The following PHLPP1 variants were observed in gnomAD, a reference collection of about 807,000 sequenced individuals.
PHLPP1 encodes PH domain and leucine rich repeat protein phosphatase 1, also known as PH domain leucine-rich repeat-containing protein phosphatase 1.
In PHLPP1, 42 loss-of-function variants were observed where a neutral mutation model predicts 117.2. That is an observed-to-expected ratio of 0.36 (90% CI 0.28 to 0.46). The LOEUF (loss-of-function observed/expected upper bound fraction) is 0.46. Ranked by LOEUF, PHLPP1 falls within the 20% of genes least tolerant of loss-of-function variation. PHLPP1 has a pLI of 1.00. For missense variants in PHLPP1, 2,084 were observed against 2,241.9 expected (o/e 0.93, Z 1.42); for synonymous variants, 1,042 against 970.7 (o/e 1.07, Z -1.37).
chr18:62,834,194 C>T (rs1914828923), intron 2 of PHLPP1, among the ~76,000 whole-genome samples: 2 of 151,988 alleles, frequency 1.3e-5, no homozygotes, highest in African/African-American at 4.8e-5. Flanking sequence ...GTTGTTTTGG[C>T]AAGGGAAGAG....
At chr18:62,855,026 C>T (rs1365343091) in intron 3 of PHLPP1, among the ~76,000 whole-genome samples, 1 of 152,082 alleles carries the variant, frequency 6.6e-6, no homozygotes, top group African/African-American at 2.4e-5. Context: ...ACTAAATGGC[C>T]TTGGGCGCAC....
At chr18:62,974,061 T>C (rs1292757931) in intron 15 of PHLPP1, among the ~76,000 whole-genome samples, 1 of 152,084 alleles carries the variant, frequency 6.6e-6, no homozygotes, top group Non-Finnish European at 1.5e-5. Context: ...CACAAACACA[T>C]CCCTTCACAA....
chr18:62,940,349 C>CTTTT (rs1568168241), intron 10 of PHLPP1, among the ~76,000 whole-genome samples: 3 of 72,066 alleles, frequency 4.2e-5, no homozygotes, highest in Admixed American at 1.4e-4. Context: ...CTTTTTCTTT[C>CTTTT]TTTTCTTTTT....
At chr18:62,922,548 G>T (rs1909507137) in intron 10 of PHLPP1, among the ~76,000 whole-genome samples, 1 of 152,180 alleles carries the variant, frequency 6.6e-6, no homozygotes, top group Non-Finnish European at 1.5e-5. Context: ...CTCCTATGGA[G>T]AATTATAAGT....
At chr18:62,869,172 C>G (rs1237946810) in intron 4 of PHLPP1, among the ~76,000 whole-genome samples, 3 of 152,030 alleles carry the variant, frequency 2.0e-5, no homozygotes, top group Admixed American at 1.3e-4. Flanking sequence ...AATTACCTCC[C>G]TGGGTCAAAT....
chr18:62,978,402 G>T lies in PHLPP1; in HGVS notation c.4125G>T (p.Gly1375=). ...AGTTCTTCATCCTAGGCAGTAAGGG[G>T]TTGTGGGACAGCCTGTCCGTCGAGG... ...QDEFFILGSK[G]LWDSLSVEEA... is the part of the protein sequence containing the mutation. The change falls in exon 17 of 17, where the codon GGG becomes GGT. Residue 1375 remains glycine, a synonymous_variant. Transcript: ENST00000262719. This position sits in a 1 kb window ranked among gnomAD's most constrained non-coding sequence, Gnocchi z 7.0. 2 of 1,612,562 alleles carry T rather than the reference G, an allele frequency of 1.2e-6. No individual in the cohort carries two copies. The highest frequency in any genetic ancestry group is 2.2e-5 in the East Asian group (1 of 44,832).
At chr18:62,964,712 CAG>C (rs1910856975) in intron 14 of PHLPP1, among the ~76,000 whole-genome samples, 1 of 152,186 alleles carries the variant, frequency 6.6e-6, no homozygotes, top group African/African-American at 2.4e-5. Flanking sequence ...TTAGAGCACT[CAG>C]AGTTTCTTTC....
At chr18:62,918,256 G>A (rs1204265189) in intron 9 of PHLPP1, among the ~76,000 whole-genome samples, 5 of 149,974 alleles carry the variant, frequency 3.3e-5, no homozygotes, top group Middle Eastern at 3.2e-3. Context: ...TATTAGAGGC[G>A]GAAATGTATT....
chr18:62,966,237 C>T (rs1292032402), intron 14 of PHLPP1, among the ~76,000 whole-genome samples: 3 of 151,978 alleles, frequency 2.0e-5, no homozygotes, highest in Non-Finnish European at 4.4e-5. Context: ...ATGATAAACC[C>T]TATTTAAGTG....
chr18:62,969,735 ATAT>A (rs1910999501), intron 14 of PHLPP1, among the ~76,000 whole-genome samples: 1 of 152,194 alleles, frequency 6.6e-6, no homozygotes, highest in Non-Finnish European at 1.5e-5. Context: ...TATTCCTATA[ATAT>A]TCTTTGTTCT....
At chr18:62,717,374 C>T in intron 1 of PHLPP1, 115 bp downstream of exon 1, 1 of 1,372,446 alleles carries the variant, frequency 7.3e-7, no homozygotes, top group African/African-American at 1.5e-5. Flanking sequence ...CCTGATGAGT[C>T]TTTGTCTTAA....
chr18:62,896,083 A>G (rs1916556116), intron 6 of PHLPP1, 72 bp downstream of exon 6: 1 of 842,290 alleles, frequency 1.2e-6, no homozygotes, highest in East Asian at 2.6e-5. Flanking sequence ...GTAGGTTATT[A>G]ACCAAGGCAA....
intron 5 of PHLPP1, among the ~76,000 whole-genome samples, chr18:62,895,567 CT>C (rs1423123227): frequency 3.3e-5 from 5 of 152,182 alleles, no homozygotes; most frequent in Non-Finnish European, 7.3e-5. Context: ...ATTGGGAAAA[CT>C]AGTCATGATT....
intron 14 of PHLPP1, among the ~76,000 whole-genome samples, chr18:62,966,545 G>C (rs368980977): frequency 7.0e-6 from 1 of 143,144 alleles, no homozygotes; most frequent in Admixed American, 7.4e-5. Flanking sequence ...GTCTGGGCTC[G>C]CTGCAAGCTC....
At chr18:62,890,558 G>T (rs975866962) in intron 4 of PHLPP1, among the ~76,000 whole-genome samples, 1 of 152,096 alleles carries the variant, frequency 6.6e-6, no homozygotes, top group African/African-American at 2.4e-5. Flanking sequence ...GAGCCACTCC[G>T]CCAAGCCTTC....
chr18:62,901,342 T>C (rs1916720361), intron 6 of PHLPP1, among the ~76,000 whole-genome samples: 1 of 152,100 alleles, frequency 6.6e-6, no homozygotes, highest in South Asian at 2.1e-4. Flanking sequence ...AATAAGCAGA[T>C]TGCTGGGTCA....
intron 14 of PHLPP1, among the ~76,000 whole-genome samples, chr18:62,967,979 A>G (rs1050673132): frequency 6.6e-6 from 1 of 151,954 alleles, no homozygotes; most frequent in African/African-American, 2.4e-5. Flanking sequence ...ATGCGCCACC[A>G]TATCTGGCTT....
intron 15 of PHLPP1, among the ~76,000 whole-genome samples, chr18:62,974,023 C>G (rs1911123205): frequency 6.6e-6 from 1 of 152,188 alleles, no homozygotes; most frequent in Non-Finnish European, 1.5e-5. Flanking sequence ...CATATGCACA[C>G]ACATACACAT....
chr18:62,842,298 T>C (rs915157601), intron 3 of PHLPP1, among the ~76,000 whole-genome samples: 8 of 152,284 alleles, frequency 5.3e-5, no homozygotes, highest in Non-Finnish European at 7.4e-5. Context: ...ATGGCAGACA[T>C]TGGGGAAATG....
Sources: gnomAD v4.1 joint callset for allele counts (sites outside exome capture counted in the v4.1 genomes callset) on GRCh38, gnomAD v4.1.1 for gene constraint, Gnocchi (gnomAD v3.1) non-coding constraint, MANE v1.5 for transcripts, NCBI Gene and HGNC (gene_info 2026-07-23, HGNC 2026-07-21) for gene names.